The following CRPPA variants were observed in gnomAD, a reference collection of about 807,000 sequenced individuals.
The protein encoded by CRPPA is D-ribitol-5-phosphate cytidylyltransferase.
A neutral mutation model predicts 52.0 loss-of-function variants in CRPPA; 43 were observed. The observed-to-expected ratio is 0.83, with a 90% CI of 0.65 to 1.07. The LOEUF (loss-of-function observed/expected upper bound fraction) is 1.07. CRPPA is among the 50% of genes least tolerant of loss of function. CRPPA has a pLI of 0.00. For synonymous variants in CRPPA, 250 were observed against 203.5 expected (o/e 1.23, Z -1.94); for missense variants, 629 against 551.7 (o/e 1.14, Z -1.40).
intron 9 of CRPPA, among the ~76,000 whole-genome samples, chr7:16,189,656 A>G (rs1292570641): frequency 6.6e-6 from 1 of 152,226 alleles, no homozygotes; most frequent in Admixed American, 6.5e-5. Context: ...TCTGCCTGAC[A>G]GCAACATCAA....
At chr7:16,208,435 TA>T (rs1269746172) in intron 9 of CRPPA, among the ~76,000 whole-genome samples, 2 of 151,994 alleles carry the variant, frequency 1.3e-5, no homozygotes, top group Non-Finnish European at 2.9e-5. Flanking sequence ...ATACATTAGG[TA>T]AAAAAAATTG....
chr7:16,209,678 A>G (rs984036445), intron 9 of CRPPA, among the ~76,000 whole-genome samples: 26 of 152,320 alleles, frequency 1.7e-4, no homozygotes, highest in African/African-American at 6.3e-4. Flanking sequence ...CTAAAACACA[A>G]AATTTTAGGT....
rs566824108 is a variant in CRPPA at position 16,209,034 on chromosome 7, G to A, written c.1251+7032C>T. 2.0e-5 allele frequency: 9 copies of A among 441,726 alleles called. No homozygotes were observed. In the East Asian group the frequency reaches 4.9e-4, roughly 24 times the overall value. The allele number at this position is 441,726 out of a possible 1,614,324, so 27.4% of individuals were successfully genotyped here. A position where few individuals can be genotyped will look rare whatever the true frequency, so the allele number is the denominator to read the frequency against. ...AAGTGACACAGGGCAAGAAGGGCAA[G>A]GATTTTCTGTATGCCCAGGGGAAGT... On this transcript the variant is annotated intron_variant, in intron 9 of 9. Coordinates refer to ENST00000407010, the MANE Select transcript of CRPPA (RefSeq NM_001101426.4).
chr7:16,308,978 G>C (rs964750781), intron 3 of CRPPA, among the ~76,000 whole-genome samples: 3 of 152,096 alleles, frequency 2.0e-5, no homozygotes, highest in Non-Finnish European at 4.4e-5. Context: ...TATGGCTGAG[G>C]ATTATCATAT....
chr7:16,298,471 T>C (rs1784719047), intron 5 of CRPPA, among the ~76,000 whole-genome samples: 1 of 152,200 alleles, frequency 6.6e-6, no homozygotes, highest in South Asian at 2.1e-4. Context: ...AACACTACTA[T>C]AATACAACAT....
At chr7:16,315,235 C>A (rs1219727980) in intron 3 of CRPPA, among the ~76,000 whole-genome samples, 2 of 152,140 alleles carry the variant, frequency 1.3e-5, no homozygotes, top group Non-Finnish European at 2.9e-5. Flanking sequence ...CCATTTCCAT[C>A]TCTCTGCTTA....
At chr7:16,146,148 G>A (rs1020283568) in intron 9 of CRPPA, among the ~76,000 whole-genome samples, 1 of 148,894 alleles carries the variant, frequency 6.7e-6, no homozygotes, top group Non-Finnish European at 1.5e-5. Context: ...CAAGCCAAGA[G>A]AAAACGGGAA....
intron 5 of CRPPA, among the ~76,000 whole-genome samples, chr7:16,287,923 AAGGGAGGGAGGGAGGG>A (rs373766084): frequency 2.4e-5 from 3 of 123,544 alleles, no homozygotes; most frequent in South Asian, 6.1e-4. Flanking sequence ...GGAAGGAAGG[AAGGGAGGGAGGGAGGG>A]AGGGAGGGAG....
intron 5 of CRPPA, among the ~76,000 whole-genome samples, chr7:16,297,162 C>G (rs1784691338): frequency 6.6e-6 from 1 of 152,120 alleles, no homozygotes. Flanking sequence ...TTGCTCTTAC[C>G]AACCGTGTGA....
chr7:16,162,752 G>A (rs921943186), intron 9 of CRPPA, among the ~76,000 whole-genome samples: 2 of 151,990 alleles, frequency 1.3e-5, no homozygotes, highest in Non-Finnish European at 2.9e-5. Context: ...CTGTCTCATT[G>A]ATCTGTCTAA....
intron 2 of CRPPA, among the ~76,000 whole-genome samples, chr7:16,377,745 G>A (rs1337166551): frequency 2.0e-5 from 3 of 152,194 alleles, no homozygotes; most frequent in African/African-American, 4.8e-5. Flanking sequence ...GAGTAGGTAT[G>A]GCTAAAAAGA....
chr7:16,196,581 T>C (rs1477041705), intron 9 of CRPPA, among the ~76,000 whole-genome samples: 1 of 152,184 alleles, frequency 6.6e-6, no homozygotes, highest in East Asian at 1.9e-4. Context: ...TTCTGAGTAA[T>C]GTAGCTAGCA....
intron 5 of CRPPA, among the ~76,000 whole-genome samples, chr7:16,284,911 G>A (rs1784392910): frequency 6.6e-6 from 1 of 152,116 alleles, no homozygotes; most frequent in Admixed American, 6.5e-5. Flanking sequence ...AACTATGGGA[G>A]CAGGGCTCCA....
intron 9 of CRPPA, among the ~76,000 whole-genome samples, chr7:16,093,162 T>C (rs929222277): frequency 7.9e-5 from 12 of 152,202 alleles, no homozygotes; most frequent in African/African-American, 2.7e-4. Context: ...TTTTTTGATG[T>C]AAAGAATTTT....
intron 9 of CRPPA, among the ~76,000 whole-genome samples, chr7:16,127,977 C>A (rs1782611092): frequency 6.6e-6 from 1 of 152,146 alleles, no homozygotes. Context: ...CTGCCATATT[C>A]TTTGACTACA....
At chr7:16,280,028 C>T (rs1784288757) in intron 5 of CRPPA, among the ~76,000 whole-genome samples, 1 of 152,162 alleles carries the variant, frequency 6.6e-6, no homozygotes, top group Non-Finnish European at 1.5e-5. Context: ...TGCAGGGAAA[C>T]TCCTCTTTTT....
At chr7:16,321,124 C>T (rs922249724) in intron 3 of CRPPA, among the ~76,000 whole-genome samples, 11 of 152,126 alleles carry the variant, frequency 7.2e-5, no homozygotes, top group African/African-American at 2.7e-4. Context: ...AGAGGCAACA[C>T]CACCCATATC....
Position 16,270,799 on chromosome 7 carries a change from A to C in CRPPA, c.933+7330T>G, listed in dbSNP as rs556623651. ...TTCACGCTAAAATATAATATGTATCAAAATAAGCATAAAATAACTGTTTTG... is the reference window on the plus strand; with the variant it reads ...TTCACGCTAAAATATAATATGTATCCAAATAAGCATAAAATAACTGTTTTG... On this transcript the variant is annotated intron_variant, in intron 6 of 9. Transcript: ENST00000407010. Among the ~76,000 whole-genome samples the C allele has an allele frequency of 6.6e-5, 10 of 152,298 alleles. No homozygotes were observed. The East Asian group carries it at 1.7e-3, about 26-fold the overall frequency.
chr7:16,394,612 G>A (rs1423451822), intron 2 of CRPPA, among the ~76,000 whole-genome samples: 1 of 152,110 alleles, frequency 6.6e-6, no homozygotes. Flanking sequence ...TTCAGAATGT[G>A]TATTCATGGG....
Sources: allele counts gnomAD v4.1 joint callset (sites outside exome capture counted in the v4.1 genomes callset), GRCh38; gene constraint gnomAD v4.1.1; transcripts MANE v1.5; gene names NCBI Gene and HGNC (gene_info 2026-07-23, HGNC 2026-07-21).